ACTR3C: variants seen among roughly 807,000 people sequenced by gnomAD.
The protein encoded by ACTR3C is actin-related protein 3C.
In ACTR3C, 18 loss-of-function variants were observed where a neutral mutation model predicts 26.3. The observed-to-expected ratio is 0.68, with a 90% CI of 0.47 to 1.01. ACTR3C has a LOEUF of 1.01. Among genes scored for constraint, ACTR3C ranks in the 50% least tolerant of loss-of-function variants. The probability of loss-of-function intolerance (pLI) is 0.00; values close to 1 mark genes in which losing one functional copy is unlikely to be tolerated. For synonymous variants in ACTR3C, 55 were observed against 94.5 expected, an observed-to-expected ratio of 0.58 and a Z score of 2.42; for missense variants, 184 against 250.7, an observed-to-expected ratio of 0.73 and a Z score of 1.80.
chr7:149,986,993 C>T, the ACTR3C span, among the ~76,000 whole-genome samples: 403 of 142,278 alleles, frequency 2.8e-3, 3 homozygotes, highest in Admixed American at 5.1e-3. Flanking sequence ...TTGAAGCCCC[C>T]GCCCCACCCA....
At chr7:150,323,363 G>A in intron 1 of ACTR3C, 106 bp downstream of exon 1, 1 of 289,518 alleles carries the variant, frequency 3.5e-6, no homozygotes, top group Non-Finnish European at 6.7e-6. Flanking sequence ...GGGAGCTCAG[G>A]CCTGCGGCGC....
At chr7:150,134,430 G>A in the ACTR3C span, among the ~76,000 whole-genome samples, 1 of 152,250 alleles carries the variant, frequency 6.6e-6, no homozygotes, top group African/African-American at 2.4e-5. Context: ...CTGCAAGGGT[G>A]AGGATGCGTG....
chr7:150,243,666 C>G (rs1202534029), downstream of ACTR3C, among the ~76,000 whole-genome samples: 1 of 152,064 alleles, frequency 6.6e-6, no homozygotes, highest in Admixed American at 6.5e-5. Flanking sequence ...ACACAATCCT[C>G]CCATATACTT....
At chr7:149,952,958 G>A in the ACTR3C span, among the ~76,000 whole-genome samples, 1 of 152,006 alleles carries the variant, frequency 6.6e-6, no homozygotes, top group Non-Finnish European at 1.5e-5. Context: ...TTTAATTTGT[G>A]AAAAATCTTA....
At chr7:150,246,781 T>TTTTTGTTTTG (rs112561019), downstream of ACTR3C, 1 of 151,944 alleles carries the variant, frequency 6.6e-6, no homozygotes, top group African/African-American at 2.4e-5. Flanking sequence ...CCACTTTGGC[T>TTTTTGTTTTG]TTTTGTTTTG....
the ACTR3C span, among the ~76,000 whole-genome samples, chr7:150,048,916 G>C: frequency 8.3e-4 from 126 of 152,194 alleles, 1 homozygote; most frequent in African/African-American, 3.0e-3. Context: ...CAGAGGCCCA[G>C]GCGCCCCTCG....
chr7:149,883,096 G>C, the ACTR3C span, among the ~76,000 whole-genome samples: 1 of 152,242 alleles, frequency 6.6e-6, no homozygotes, highest in Non-Finnish European at 1.5e-5. Flanking sequence ...CTCTAAGAAA[G>C]TGAGGGGGTG....
At chr7:149,917,031 G>A in the ACTR3C span, among the ~76,000 whole-genome samples, 5,478 of 151,732 alleles carry the variant, frequency 0.036, 350 homozygotes, top group African/African-American at 0.13. Flanking sequence ...GTATCTTTCC[G>A]ATGCTTCTCT....
the ACTR3C span, among the ~76,000 whole-genome samples, chr7:150,216,542 C>A: frequency 6.6e-6 from 1 of 152,236 alleles, no homozygotes. Context: ...GCACACACCA[C>A]CATGCCATGC....
the ACTR3C span, among the ~76,000 whole-genome samples, chr7:150,006,213 T>TATTTATTTATTTATTTATTTATTTATTTA: frequency 9.9e-5 from 15 of 151,840 alleles, no homozygotes; most frequent in East Asian, 1.9e-4. Flanking sequence ...TTTATTTATT[T>TATTTATTTATTTATTTATTTATTTATTTA]TGAGAAGGAG....
chr7:150,295,761 A>G (rs1836697978), intron 1 of ACTR3C, among the ~76,000 whole-genome samples: 1 of 148,984 alleles, frequency 6.7e-6, no homozygotes, highest in East Asian at 1.9e-4. Flanking sequence ...GAGGAGCAGC[A>G]GCAAGCCCTT....
At chr7:149,943,420 A>T in the ACTR3C span, among the ~76,000 whole-genome samples, 1 of 150,560 alleles carries the variant, frequency 6.6e-6, no homozygotes, top group African/African-American at 2.5e-5. Context: ...TGATTTAACA[A>T]GTGCCTTTTA....
the ACTR3C span, among the ~76,000 whole-genome samples, chr7:150,034,192 G>A: frequency 6.6e-6 from 1 of 151,948 alleles, no homozygotes; most frequent in Non-Finnish European, 1.5e-5. Flanking sequence ...CAGCTTATTT[G>A]CTTCTTTTAC....
the ACTR3C span, among the ~76,000 whole-genome samples, chr7:150,057,100 G>A: frequency 8.6e-5 from 13 of 151,828 alleles, no homozygotes; most frequent in Non-Finnish European, 7.4e-5. Flanking sequence ...TCCTTGAGTA[G>A]GCAATTTTAT....
At chr7:149,944,263 T>A in the ACTR3C span, among the ~76,000 whole-genome samples, 2 of 152,010 alleles carry the variant, frequency 1.3e-5, no homozygotes, top group African/African-American at 2.4e-5. Flanking sequence ...ATGAGGGAAC[T>A]GAAGTTAAGA....
At chr7:150,212,802 T>C in the ACTR3C span, among the ~76,000 whole-genome samples, 1 of 152,082 alleles carries the variant, frequency 6.6e-6, no homozygotes, top group Admixed American at 6.5e-5. Flanking sequence ...ATGGAGAAGA[T>C]GAACCACAAA....
At chr7:150,038,028 C>G in the ACTR3C span, among the ~76,000 whole-genome samples, 92 of 135,182 alleles carry the variant, frequency 6.8e-4, 15 homozygotes, top group African/African-American at 2.5e-3. Context: ...CTATGGTGGT[C>G]CCAAGAGCCA....
the ACTR3C span, among the ~76,000 whole-genome samples, chr7:149,995,572 G>A: frequency 6.6e-6 from 1 of 152,282 alleles, no homozygotes; most frequent in Non-Finnish European, 1.5e-5. Flanking sequence ...ATACTGCGTT[G>A]TTTGTTGTGG....
At chr7:150,040,577 GT>G in the ACTR3C span, 1 of 147,904 alleles carries the variant, frequency 6.8e-6, no homozygotes. Context: ...TTAAGCTCCG[GT>G]AGATTGCAAA....
Sources: gnomAD v4.1 joint callset for allele counts (sites outside exome capture counted in the v4.1 genomes callset) on GRCh38, gnomAD v4.1.1 for gene constraint, MANE v1.5 for transcripts, NCBI Gene and HGNC (gene_info 2026-07-23, HGNC 2026-07-21) for gene names.